The following PAPSS1 variants were observed in gnomAD, a reference collection of about 807,000 sequenced individuals.
PAPSS1 encodes the protein 3'-phosphoadenosine 5'-phosphosulfate synthase 1, also known as bifunctional 3'-phosphoadenosine 5'-phosphosulfate synthase 1.
PAPSS1 carries 50 observed loss-of-function variants against 72.0 expected under a neutral mutation model. The observed-to-expected ratio is 0.69, with a 90% confidence interval of 0.55 to 0.88. The LOEUF is 0.88. PAPSS1 is among the 40% of genes least tolerant of loss of function. PAPSS1 has a pLI of 0.00. For missense variants in PAPSS1, 657 were observed against 782.2 expected, an observed-to-expected ratio of 0.84 and a Z score of 1.91; for synonymous variants, 261 against 263.6, an observed-to-expected ratio of 0.99 and a Z score of 0.09.
intron 4 of PAPSS1, among the ~76,000 whole-genome samples, chr4:107,685,930 C>A (rs1459485177): frequency 2.6e-5 from 4 of 152,202 alleles, no homozygotes; most frequent in Non-Finnish European, 5.9e-5. Context: ...TTAAAAGTTA[C>A]CTGCATGACT....
intron 2 of PAPSS1, among the ~76,000 whole-genome samples, chr4:107,696,095 A>C (rs1723056025): frequency 6.6e-6 from 1 of 152,200 alleles, no homozygotes; most frequent in Non-Finnish European, 1.5e-5. Context: ...GGCTATGGAG[A>C]AATAGGAACG....
chr4:107,692,568 ACAGTG>A (rs1361431806), intron 3 of PAPSS1, among the ~76,000 whole-genome samples: 1 of 152,198 alleles, frequency 6.6e-6, no homozygotes, highest in Non-Finnish European at 1.5e-5. Flanking sequence ...ATTGTGGAAG[ACAGTG>A]CAGTGAATCC....
At chr4:107,659,124 C>T (rs917157195) in intron 6 of PAPSS1, among the ~76,000 whole-genome samples, 1 of 152,186 alleles carries the variant, frequency 6.6e-6, no homozygotes, top group Admixed American at 6.5e-5. Flanking sequence ...TCCTGAGCTG[C>T]TCTGCTCTGT....
At chr4:107,640,412 A>G (rs1726505794) in intron 10 of PAPSS1, among the ~76,000 whole-genome samples, 1 of 152,198 alleles carries the variant, frequency 6.6e-6, no homozygotes, top group South Asian at 2.1e-4. Context: ...CTAAGGAAAC[A>G]AATCTGGTAC....
Position 107,656,908 on chromosome 4 carries a change from A to G in PAPSS1, c.883T>C (p.Cys295Arg). The G allele has an allele frequency of 6.2e-7, 1 of 1,600,666 alleles. No individual in the cohort carries two copies. Among genetic ancestry groups the G allele is most frequent in the Non-Finnish European group, 8.6e-7 (1 of 1,167,728 alleles). ...TAAAATGTCTTACCATCCAGAAGACAATCAAAATGAAGGCACTGCAAGTAC... is the reference window on the plus strand; with the variant it reads ...TAAAATGTCTTACCATCCAGAAGACGATCAAAATGAAGGCACTGCAAGTAC... ...REYLQCLHFDCLLDGGVINLS... is the reference protein window; with the variant it reads ...REYLQCLHFDRLLDGGVINLS... The change falls in exon 7 of 12, where the codon TGT becomes CGT. Residue 295 changes from cysteine (C) to arginine (R), a missense_variant. By Grantham distance (180) the Cys-to-Arg change is radical. Around this residue, in one of 7 missense-constraint regions of PAPSS1, gnomAD observed 190 missense variants for 176.7 expected, o/e 1.07. Transcript: ENST00000265174.
intron 1 of PAPSS1, among the ~76,000 whole-genome samples, chr4:107,708,150 T>G (rs1253332750): frequency 1.3e-5 from 2 of 152,214 alleles, no homozygotes; most frequent in African/African-American, 4.8e-5. Context: ...TCCAATAAAA[T>G]ACTTTTACAT....
Position 107,644,929 on chromosome 4 carries a change from T to C in PAPSS1, c.1379A>G (p.Asp460Gly). The C allele has an allele frequency of 6.2e-7, 1 of 1,614,066 alleles. No individual in the cohort carries two copies. Among genetic ancestry groups the C allele is most frequent in the Non-Finnish European group, 8.5e-7 (1 of 1,179,960 alleles). Reference protein sequence around the residue: ...LLHPLGGWTKDDDVPLMWRMK... With the variant: ...LLHPLGGWTKGDDVPLMWRMK... Reference sequence around the variant, plus strand: ...ACGCCACATCAAAGGAACATCGTCATCCTTTGTCCAGCCACCCAGAGGGTG... The same window carrying C: ...ACGCCACATCAAAGGAACATCGTCACCCTTTGTCCAGCCACCCAGAGGGTG... The change falls in exon 10 of 12, where the codon GAT (aspartate) becomes GGT (glycine). Residue 460 changes from aspartate (D) to glycine (G), a missense_variant. Coordinates refer to ENST00000265174, the MANE Select transcript of PAPSS1 (RefSeq NM_005443.5).
rs572522485 is a variant in PAPSS1 at position 107,716,464 on chromosome 4, T to C, written c.60+3656A>G. 4.1e-4 allele frequency among the ~76,000 whole-genome samples: 62 copies of C among 152,308 alleles called. No individual in the cohort carries two copies. The South Asian group carries it at 9.1e-3, about 22-fold the overall frequency. On this transcript the variant is annotated intron_variant, in intron 1 of 11. Transcript: ENST00000265174. ...GGAAAAGCAAACCAGAGACTGCATA[T>C]GCTTCTTAATGTCACGTCCAGTTTC...
At chr4:107,638,167 C>G (rs934692113) in intron 10 of PAPSS1, among the ~76,000 whole-genome samples, 1 of 152,272 alleles carries the variant, frequency 6.6e-6, no homozygotes, top group Admixed American at 6.5e-5. Context: ...TGTACTGGTA[C>G]TGAACAGTAG....
intron 6 of PAPSS1, among the ~76,000 whole-genome samples, chr4:107,657,444 G>T (rs1173460999): frequency 6.6e-6 from 1 of 152,186 alleles, no homozygotes; most frequent in African/African-American, 2.4e-5. Context: ...ACGGCCAGAG[G>T]AGGTGGCTCA....
At chr4:107,628,731 G>T (rs1726158366) in intron 11 of PAPSS1, among the ~76,000 whole-genome samples, 1 of 152,216 alleles carries the variant, frequency 6.6e-6, no homozygotes, top group Admixed American at 6.5e-5. Flanking sequence ...ACCTACTAAG[G>T]TGTAAAAATA....
chr4:107,654,642 G>A, intron 8 of PAPSS1, 53 bp downstream of exon 8: 1 of 1,428,356 alleles, frequency 7.0e-7, no homozygotes, highest in Non-Finnish European at 9.9e-7. Context: ...CCACATTTCA[G>A]CACAAACATC....
At chr4:107,709,252 T>G (rs1373596316) in intron 1 of PAPSS1, among the ~76,000 whole-genome samples, 1 of 152,236 alleles carries the variant, frequency 6.6e-6, no homozygotes, top group African/African-American at 2.4e-5. Flanking sequence ...CAAAGAGCAC[T>G]TTTATAAAAC....
At chr4:107,675,469 C>A (rs4956122) in intron 5 of PAPSS1, among the ~76,000 whole-genome samples, 27,573 of 152,086 alleles carry the variant, frequency 0.18, 2,945 homozygotes, top group East Asian at 0.37. Context: ...CATACACCCT[C>A]CCAAGACTAA....
chr4:107,627,199 A>G (rs1479743869), intron 11 of PAPSS1, among the ~76,000 whole-genome samples: 1 of 152,248 alleles, frequency 6.6e-6, no homozygotes, highest in East Asian at 1.9e-4. Flanking sequence ...TTTTGGCACA[A>G]GAAGTGTAAA....
At chr4:107,691,502 G>C (rs1018374657) in intron 3 of PAPSS1, among the ~76,000 whole-genome samples, 1 of 152,140 alleles carries the variant, frequency 6.6e-6, no homozygotes, top group African/African-American at 2.4e-5. Flanking sequence ...CTTCCCAAGG[G>C]AGTATGCTAT....
intron 9 of PAPSS1, among the ~76,000 whole-genome samples, chr4:107,652,298 A>G (rs1473565174): frequency 1.3e-5 from 2 of 152,160 alleles, no homozygotes; most frequent in African/African-American, 4.8e-5. Flanking sequence ...TTAAGGCTTA[A>G]AAAAGCCTCC....
intron 1 of PAPSS1, among the ~76,000 whole-genome samples, chr4:107,708,458 T>G (rs1460353658): frequency 6.6e-6 from 1 of 152,202 alleles, no homozygotes; most frequent in Non-Finnish European, 1.5e-5. Context: ...GTCATTTTGT[T>G]TGAGGATTTT....
At chr4:107,696,703 T>C (rs1029927052) in intron 2 of PAPSS1, among the ~76,000 whole-genome samples, 1 of 149,618 alleles carries the variant, frequency 6.7e-6, no homozygotes, top group African/African-American at 2.5e-5. Context: ...TGTAACAAAC[T>C]GCACGTTCTA....
Sources: gnomAD v4.1 joint callset for allele counts (sites outside exome capture counted in the v4.1 genomes callset) on GRCh38, gnomAD v4.1.1 for gene constraint, gnomAD v4.1.1 regional missense constraint, MANE v1.5 for transcripts, NCBI Gene and HGNC (gene_info 2026-07-23, HGNC 2026-07-21) for gene names.